DMD: variants seen among roughly 807,000 people sequenced by gnomAD.
The protein encoded by DMD is mutant dystrophin.
A neutral mutation model predicts 330.1 loss-of-function variants in DMD; 63 were observed. That is an observed-to-expected ratio of 0.19 (90% CI 0.16 to 0.24). DMD has a LOEUF of 0.24. Among genes scored for constraint, DMD ranks in the 10% least tolerant of loss-of-function variants. The pLI is 1.00. For missense variants in DMD, 3,344 were observed against 2,684.1 expected (o/e 1.25, Z -5.43); for synonymous variants, 1,223 against 959.8 (o/e 1.27, Z -5.07).
chrX:32,661,192 T>A (rs1442865851), intron 9 of DMD, among the ~76,000 whole-genome samples: 1 of 111,579 alleles, frequency 9.0e-6, no homozygotes, highest in African/African-American at 3.2e-5. Context: ...ATCTCCTAAG[T>A]GGGTGCTATC....
intron 50 of DMD, among the ~76,000 whole-genome samples, chrX:31,814,671 T>A (rs1483941571): frequency 2.7e-5 from 3 of 110,662 alleles, no homozygotes; most frequent in Non-Finnish European, 5.7e-5. Context: ...CTAAATCGGG[T>A]ATTGTAGAAC....
At chrX:31,223,860 G>A (rs1383340662) in intron 63 of DMD, among the ~76,000 whole-genome samples, 1 of 112,487 alleles carries the variant, frequency 8.9e-6, no homozygotes, top group African/African-American at 3.2e-5. Flanking sequence ...GTCTATGTGT[G>A]TGATATGTAT....
intron 48 of DMD, among the ~76,000 whole-genome samples, chrX:31,850,050 C>T (rs1043033897): frequency 9.0e-6 from 1 of 110,863 alleles, no homozygotes; most frequent in African/African-American, 3.3e-5. Context: ...TCCGCCCAAC[C>T]TCCACCCTCT....
At chrX:31,467,560 G>A (rs954178203) in intron 59 of DMD, among the ~76,000 whole-genome samples, 3 of 111,500 alleles carry the variant, frequency 2.7e-5, no homozygotes, top group Non-Finnish European at 3.8e-5. Context: ...TGCTGGATTC[G>A]GTTTGCCAGT....
intron 1 of DMD, among the ~76,000 whole-genome samples, chrX:33,020,939 C>T (rs16990841): frequency 0.051 from 5,639 of 110,614 alleles, 389 homozygotes; most frequent in African/African-American, 0.18. Flanking sequence ...TGGGCCTGAT[C>T]TCACTATGGA....
intron 47 of DMD, among the ~76,000 whole-genome samples, chrX:31,886,814 C>A (rs1407289734): frequency 1.8e-5 from 2 of 111,541 alleles, no homozygotes; most frequent in Admixed American, 9.5e-5. Context: ...AGAGATTTTA[C>A]TTTTAAAATT....
At chrX:33,159,362 T>G (rs564188265) in intron 1 of DMD, 11 of 111,146 alleles carry the variant, frequency 9.9e-5, no homozygotes, top group African/African-American at 3.6e-4. Flanking sequence ...GGTATACACA[T>G]GCCATGGTGG....
intron 7 of DMD, among the ~76,000 whole-genome samples, chrX:32,791,976 T>G (rs2075854335): frequency 9.0e-6 from 1 of 111,652 alleles, no homozygotes; most frequent in South Asian, 3.7e-4. Flanking sequence ...AAGAGAATTC[T>G]AAAAACAGCA....
At chrX:33,178,436 C>T (rs934099193) in intron 1 of DMD, among the ~76,000 whole-genome samples, 1 of 111,987 alleles carries the variant, frequency 8.9e-6, no homozygotes, top group East Asian at 2.8e-4. Flanking sequence ...CAACAAATCT[C>T]TCTTACTTAA....
intron 54 of DMD, among the ~76,000 whole-genome samples, chrX:31,630,107 G>A (rs906771429): frequency 8.9e-6 from 1 of 111,835 alleles, no homozygotes. Flanking sequence ...TGCTTCCAGA[G>A]AAAGTAACTA....
At chrX:32,740,323 A>G (rs1186263166) in intron 7 of DMD, among the ~76,000 whole-genome samples, 1 of 110,264 alleles carries the variant, frequency 9.1e-6, no homozygotes, top group African/African-American at 3.3e-5. Context: ...AATGTAGTGT[A>G]TCCTGATTTA....
chrX:32,946,613 G>C (rs1288662207), intron 2 of DMD, among the ~76,000 whole-genome samples: 2 of 111,472 alleles, frequency 1.8e-5, no homozygotes, highest in African/African-American at 6.5e-5. Context: ...TTTTTTTCTA[G>C]ACATTTTATA....
At chrX:31,368,760 C>A (rs753979018) in intron 60 of DMD, among the ~76,000 whole-genome samples, 185 of 110,160 alleles carry the variant, frequency 1.7e-3, no homozygotes, top group African/African-American at 6.0e-3. Context: ...ATTCTCCTGT[C>A]TCAGCCTCCC....
At chrX:32,279,184 G>C (rs1367860299) in intron 43 of DMD, among the ~76,000 whole-genome samples, 1 of 111,570 alleles carries the variant, frequency 9.0e-6, no homozygotes, top group Non-Finnish European at 1.9e-5. Flanking sequence ...AGAGTGTGAA[G>C]AAAAGGGGAC....
intron 54 of DMD, among the ~76,000 whole-genome samples, chrX:31,651,247 C>A (rs2148574343): frequency 9.0e-6 from 1 of 111,595 alleles, no homozygotes; most frequent in South Asian, 3.8e-4. Context: ...CATTTTGCAG[C>A]CTGTAGCATA....
chrX:31,954,521 G>GAT (rs1392497261), intron 45 of DMD, among the ~76,000 whole-genome samples: 80 of 111,180 alleles, frequency 7.2e-4, no homozygotes, highest in Admixed American at 2.6e-3. Flanking sequence ...AAGAAAATGT[G>GAT]ATATATATAT....
intron 2 of DMD, among the ~76,000 whole-genome samples, chrX:32,891,884 A>AT (rs1335314141): frequency 9.0e-6 from 1 of 110,545 alleles, no homozygotes; most frequent in Non-Finnish European, 1.9e-5. Context: ...CAGCCTAATC[A>AT]TTTTTTCTCT....
At chrX:32,676,889 GTT>G (rs2062010840) in intron 9 of DMD, among the ~76,000 whole-genome samples, 1 of 110,964 alleles carries the variant, frequency 9.0e-6, no homozygotes, top group South Asian at 3.7e-4. Context: ...CCTATCTTCA[GTT>G]TTCTCTATTA....
chrX:31,968,539 C>T (rs1569524758), intron 44 of DMD, 25 bp from the exon 45 acceptor site: 1 of 1,199,979 alleles, frequency 8.3e-7, no homozygotes. Flanking sequence ...AAAGGCAAAA[C>T]AAAAATGAAG....
Sources: gnomAD v4.1 joint callset for allele counts (sites outside exome capture counted in the v4.1 genomes callset) on GRCh38, gnomAD v4.1.1 for gene constraint, MANE v1.5 for transcripts, NCBI Gene and HGNC (gene_info 2026-07-23, HGNC 2026-07-21) for gene names.